LUZP2: variants seen among roughly 807,000 people sequenced by gnomAD.
LUZP2 encodes the protein leucine zipper protein 2.
LUZP2 carries 52 observed loss-of-function variants against 51.6 expected under a neutral mutation model. The ratio of observed to expected loss-of-function variants is 1.01; its 90% CI spans 0.81 to 1.27. The LOEUF (loss-of-function observed/expected upper bound fraction) is 1.27. Ranked by LOEUF, LUZP2 falls within the 50% of genes most tolerant of loss-of-function variation. The pLI is 0.00. For missense variants in LUZP2, 436 were observed against 395.4 expected (o/e 1.10, Z -0.87); for synonymous variants, 154 against 137.3 (o/e 1.12, Z -0.85).
intron 7 of LUZP2, among the ~76,000 whole-genome samples, chr11:24,962,850 G>C (rs1456691211): frequency 6.6e-6 from 1 of 152,160 alleles, no homozygotes; most frequent in Non-Finnish European, 1.5e-5. Context: ...GCTTTTTAGA[G>C]TTTCCAGTTT....
intron 1 of LUZP2, among the ~76,000 whole-genome samples, chr11:24,660,571 A>G (rs1246785568): frequency 2.0e-5 from 3 of 152,124 alleles, no homozygotes; most frequent in African/African-American, 7.2e-5. Flanking sequence ...TTGCTTGGGG[A>G]GAGTGTCTGG....
chr11:24,883,947 C>A (rs1176538259), intron 5 of LUZP2, among the ~76,000 whole-genome samples: 1 of 151,968 alleles, frequency 6.6e-6, no homozygotes, highest in Non-Finnish European at 1.5e-5. Flanking sequence ...TTACTCTAGT[C>A]CCTCAACTGT....
At chr11:24,794,462 G>C (rs1270646819) in intron 5 of LUZP2, among the ~76,000 whole-genome samples, 4 of 152,106 alleles carry the variant, frequency 2.6e-5, no homozygotes, top group Non-Finnish European at 5.9e-5. Flanking sequence ...GCCATTCCTT[G>C]AAGGCGAATC....
At chr11:24,604,671 G>T (rs541348057) in intron 1 of LUZP2, among the ~76,000 whole-genome samples, 2 of 151,686 alleles carry the variant, frequency 1.3e-5, no homozygotes, top group Admixed American at 6.6e-5. Flanking sequence ...GACTTTGTCC[G>T]GTGTATTTAA....
intron 9 of LUZP2, among the ~76,000 whole-genome samples, chr11:25,020,299 A>G (rs1235174130): frequency 6.6e-6 from 1 of 152,084 alleles, no homozygotes; most frequent in Non-Finnish European, 1.5e-5. Context: ...TTTAATAAGA[A>G]ATGTCTAAGA....
chr11:24,511,413 A>T (rs1441780549), intron 1 of LUZP2, among the ~76,000 whole-genome samples: 2 of 125,190 alleles, frequency 1.6e-5, no homozygotes, highest in East Asian at 5.9e-4. Flanking sequence ...ATTAAAAAAT[A>T]AAAAAAAATA....
chr11:24,801,116 T>C (rs1849686405), intron 5 of LUZP2, among the ~76,000 whole-genome samples: 1 of 152,086 alleles, frequency 6.6e-6, no homozygotes, highest in African/African-American at 2.4e-5. Flanking sequence ...TCTCTAAGGG[T>C]TCAAGTATCA....
intron 1 of LUZP2, among the ~76,000 whole-genome samples, chr11:24,570,287 GA>G (rs1461464395): frequency 6.6e-6 from 1 of 151,968 alleles, no homozygotes; most frequent in Non-Finnish European, 1.5e-5. Context: ...ATTTGAGGGG[GA>G]AAGTGCTTTT....
At chr11:24,852,544 A>C (rs1218321649) in intron 5 of LUZP2, among the ~76,000 whole-genome samples, 1 of 152,098 alleles carries the variant, frequency 6.6e-6, no homozygotes, top group Non-Finnish European at 1.5e-5. Context: ...TCAGTTTTAG[A>C]ATAAGTGATG....
At chr11:24,738,391 T>TA in intron 4 of LUZP2, 89 bp downstream of exon 4, 1 of 823,132 alleles carries the variant, frequency 1.2e-6, no homozygotes, top group Non-Finnish European at 2.0e-6. Flanking sequence ...CAAACACACC[T>TA]ATAAAAAATA....
At chr11:24,790,709 C>T (rs1158010571) in intron 5 of LUZP2, among the ~76,000 whole-genome samples, 1 of 152,092 alleles carries the variant, frequency 6.6e-6, no homozygotes, top group Non-Finnish European at 1.5e-5. Flanking sequence ...ACCGTGTTGG[C>T]TAGGTTAGTC....
At chr11:24,755,653 G>A (rs1378675476) in intron 4 of LUZP2, among the ~76,000 whole-genome samples, 1 of 152,046 alleles carries the variant, frequency 6.6e-6, no homozygotes, top group African/African-American at 2.4e-5. Context: ...TCAGGAAGGG[G>A]ATGACAGACA....
At chr11:25,001,389 A>G (rs181409771) in intron 9 of LUZP2, among the ~76,000 whole-genome samples, 43 of 152,282 alleles carry the variant, frequency 2.8e-4, no homozygotes, top group South Asian at 8.3e-4. Flanking sequence ...CCTCAGAGGA[A>G]CCATCTAGTC....
intron 5 of LUZP2, among the ~76,000 whole-genome samples, chr11:24,810,803 G>GTAGAAAAACAGCCTCAT (rs1240613196): frequency 2.0e-5 from 3 of 152,138 alleles, no homozygotes; most frequent in African/African-American, 4.8e-5. Context: ...GAAACCATCT[G>GTAGAAAAACAGCCTCAT]TAGAAAAACA....
intron 1 of LUZP2, among the ~76,000 whole-genome samples, chr11:24,573,101 A>G (rs975253360): frequency 1.7e-5 from 2 of 120,238 alleles, no homozygotes; most frequent in African/African-American, 5.5e-5. Context: ...AATTATTGTA[A>G]ATAAAAGAGA....
chr11:24,900,118 T>C (rs1352306760), intron 5 of LUZP2, among the ~76,000 whole-genome samples: 1 of 149,762 alleles, frequency 6.7e-6, no homozygotes, highest in Non-Finnish European at 1.5e-5. Flanking sequence ...GAATGTATAC[T>C]GAATTGTAGA....
At chr11:24,717,147 T>G (rs1858078153) in intron 1 of LUZP2, among the ~76,000 whole-genome samples, 1 of 152,106 alleles carries the variant, frequency 6.6e-6, no homozygotes, top group East Asian at 1.9e-4. Context: ...ACTAGATTGA[T>G]AAACAGAGTA....
chr11:24,806,654 C>G (rs1849863887), intron 5 of LUZP2, among the ~76,000 whole-genome samples: 1 of 152,076 alleles, frequency 6.6e-6, no homozygotes, highest in Non-Finnish European at 1.5e-5. Flanking sequence ...GCAATGTGGA[C>G]TCAAATAGGT....
At chr11:24,556,429 AG>A (rs1406184865) in intron 1 of LUZP2, among the ~76,000 whole-genome samples, 1 of 152,170 alleles carries the variant, frequency 6.6e-6, no homozygotes, top group Non-Finnish European at 1.5e-5. Context: ...CTGTATGTCA[AG>A]GAAGATTCTG....
Sources: allele counts gnomAD v4.1 joint callset (sites outside exome capture counted in the v4.1 genomes callset), GRCh38; gene constraint gnomAD v4.1.1; transcripts MANE v1.5; gene names NCBI Gene and HGNC (gene_info 2026-07-23, HGNC 2026-07-21).